SEMA3C: variants seen among roughly 807,000 people sequenced by gnomAD.
The protein encoded by SEMA3C is semaphorin 3C.
SEMA3C carries 47 observed loss-of-function variants against 89.4 expected under a neutral mutation model. The observed-to-expected ratio is 0.53, with a 90% CI of 0.42 to 0.67. The LOEUF (loss-of-function observed/expected upper bound fraction) is 0.67, where lower values mean the gene tolerates loss of function less well. SEMA3C is among the 30% of genes least tolerant of loss of function. The probability of loss-of-function intolerance (pLI) is 0.00; values close to 1 mark genes in which losing one functional copy is unlikely to be tolerated. For missense variants in SEMA3C, 839 were observed against 929.1 expected (o/e 0.90, Z 1.26); for synonymous variants, 310 against 320.2 (o/e 0.97, Z 0.34).
At chr7:80,764,741 C>A (rs1033869653) in intron 13 of SEMA3C, among the ~76,000 whole-genome samples, 2 of 151,494 alleles carry the variant, frequency 1.3e-5, no homozygotes, top group Non-Finnish European at 2.9e-5. Context: ...CTTGAAATTA[C>A]TGGCTAAAAA....
chr7:80,881,949 G>A (rs1057190028), intron 2 of SEMA3C, among the ~76,000 whole-genome samples: 7 of 152,072 alleles, frequency 4.6e-5, no homozygotes, highest in Non-Finnish European at 7.3e-5. Flanking sequence ...CTCATGCAAC[G>A]TTGTTGATTT....
At chr7:80,915,740 C>CAA (rs56666739) in intron 2 of SEMA3C, 6,457 of 69,188 alleles carry the variant, frequency 0.093, 276 homozygotes, top group African/African-American at 0.13. Flanking sequence ...GACACTGTCT[C>CAA]AAAAAAAAAA....
intron 1 of SEMA3C, among the ~76,000 whole-genome samples, chr7:80,917,365 T>C (rs958230488): frequency 2.6e-5 from 4 of 152,214 alleles, no homozygotes; most frequent in African/African-American, 9.6e-5. Context: ...CTGAAGTCAC[T>C]GGAATCAGTT....
chr7:80,746,542 A>T (rs1002546261), intron 17 of SEMA3C, among the ~76,000 whole-genome samples: 2 of 152,158 alleles, frequency 1.3e-5, no homozygotes, highest in Admixed American at 6.5e-5. Flanking sequence ...ATTACATTTT[A>T]GGAATTTAGA....
intron 2 of SEMA3C, among the ~76,000 whole-genome samples, chr7:80,901,747 A>C (rs1791885454): frequency 6.6e-6 from 1 of 152,224 alleles, no homozygotes. Flanking sequence ...TCTTGCCTAA[A>C]GGGCATCCAA....
At chr7:80,917,772 C>T (rs1348039987) in intron 1 of SEMA3C, among the ~76,000 whole-genome samples, 1 of 152,098 alleles carries the variant, frequency 6.6e-6, no homozygotes, top group Non-Finnish European at 1.5e-5. Context: ...ACCCAAGAGT[C>T]CAGTAAAGAA....
chr7:80,873,953 C>G (rs1791135306), intron 2 of SEMA3C, among the ~76,000 whole-genome samples: 1 of 152,082 alleles, frequency 6.6e-6, no homozygotes. Flanking sequence ...ATGCTGAAAG[C>G]TCTTCCTCCC....
chr7:80,896,483 G>T (rs1176894689), intron 2 of SEMA3C, among the ~76,000 whole-genome samples: 1 of 152,072 alleles, frequency 6.6e-6, no homozygotes, highest in Non-Finnish European at 1.5e-5. Flanking sequence ...GAATGCATTA[G>T]ATATATGCAG....
intron 2 of SEMA3C, among the ~76,000 whole-genome samples, chr7:80,862,909 G>A (rs776140264): frequency 2.6e-4 from 40 of 152,030 alleles, no homozygotes; most frequent in Admixed American, 5.9e-4. Flanking sequence ...AATGAAACTG[G>A]ATCCTCATCT....
chr7:80,807,689 G>C (rs745874513), intron 6 of SEMA3C, among the ~76,000 whole-genome samples: 3 of 152,176 alleles, frequency 2.0e-5, no homozygotes, highest in Non-Finnish European at 4.4e-5. Flanking sequence ...AGCAGTGACT[G>C]AAAATAGCAA....
chr7:80,746,718 G>GGTGTGTGTGT (rs5885196), intron 17 of SEMA3C, among the ~76,000 whole-genome samples: 59,321 of 142,854 alleles, frequency 0.42, 12,861 homozygotes, highest in East Asian at 0.6. Flanking sequence ...ATTGAAGTGG[G>GGTGTGTGTGT]GTGTGTGTGT....
chr7:80,748,782 C>T (rs527444655), intron 17 of SEMA3C, 116 bp downstream of exon 17: 82 of 1,021,266 alleles, frequency 8.0e-5, no homozygotes, highest in East Asian at 1.5e-4. Context: ...ATCCCAAAGA[C>T]GTAAAAGATG....
chr7:80,769,514 T>C (rs1188060714), intron 12 of SEMA3C, among the ~76,000 whole-genome samples: 2 of 152,062 alleles, frequency 1.3e-5, no homozygotes, highest in Non-Finnish European at 2.9e-5. Context: ...ACTTTATGCA[T>C]ACCATTTTAA....
At chr7:80,860,779 G>A (rs1213316864) in intron 2 of SEMA3C, among the ~76,000 whole-genome samples, 1 of 152,112 alleles carries the variant, frequency 6.6e-6, no homozygotes, top group East Asian at 1.9e-4. Flanking sequence ...ACAAACATCT[G>A]TTTGCTCATG....
At chr7:80,843,098 A>C (rs144808358) in intron 2 of SEMA3C, among the ~76,000 whole-genome samples, 1 of 152,162 alleles carries the variant, frequency 6.6e-6, no homozygotes, top group African/African-American at 2.4e-5. Flanking sequence ...GGATACAAAC[A>C]TAGAGTTAGA....
chr7:80,797,757 T>C (rs1789099357), intron 11 of SEMA3C, among the ~76,000 whole-genome samples: 1 of 152,142 alleles, frequency 6.6e-6, no homozygotes, highest in Admixed American at 6.5e-5. Flanking sequence ...CCAAGCACTT[T>C]GGGAGGCCAA....
chr7:80,791,807 C>T (rs1788946408), intron 11 of SEMA3C, among the ~76,000 whole-genome samples: 1 of 152,094 alleles, frequency 6.6e-6, no homozygotes, highest in Admixed American at 6.6e-5. Flanking sequence ...AACAGCTGTC[C>T]AACAGTATTA....
intron 12 of SEMA3C, among the ~76,000 whole-genome samples, chr7:80,786,439 C>T (rs965952826): frequency 2.7e-5 from 4 of 150,122 alleles, no homozygotes; most frequent in Admixed American, 1.3e-4. Context: ...CATCAAAGTC[C>T]ACCTTTAAGA....
rs552892310 is a variant in SEMA3C at position 80,823,439 on chromosome 7, T to C, written c.327+3986A>G. ...GATTGTTGTATTGAAAATATATTAC[T>C]TTTATAATATAAAAATAGATGTTTA... On this transcript the variant is annotated intron_variant, in intron 4 of 17. Transcript: ENST00000265361. 3.8e-3 allele frequency among the ~76,000 whole-genome samples: 575 copies of C among 152,244 alleles called. 3 individuals carry two copies. The highest frequency in any genetic ancestry group is 0.01 in the South Asian group (49 of 4,830).
Sources: gnomAD v4.1 joint callset for allele counts (sites outside exome capture counted in the v4.1 genomes callset) on GRCh38, gnomAD v4.1.1 for gene constraint, MANE v1.5 for transcripts, NCBI Gene and HGNC (gene_info 2026-07-23, HGNC 2026-07-21) for gene names.